The following GALNT18 variants were observed in gnomAD, a reference collection of about 807,000 sequenced individuals.
The protein encoded by GALNT18 is polypeptide N-acetylgalactosaminyltransferase 18.
GALNT18 carries 44 observed loss-of-function variants against 69.5 expected under a neutral mutation model. That is an observed-to-expected ratio of 0.63 (90% CI 0.50 to 0.81). GALNT18 has a LOEUF of 0.81. Ranked by LOEUF, GALNT18 falls within the 40% of genes least tolerant of loss-of-function variation. The pLI is 0.00. For synonymous variants in GALNT18, 364 were observed against 318.2 expected (o/e 1.14, Z -1.53); for missense variants, 715 against 810.0 (o/e 0.88, Z 1.42).
chr11:11,486,085 C>T (rs1856639378), intron 1 of GALNT18, among the ~76,000 whole-genome samples: 1 of 152,114 alleles, frequency 6.6e-6, no homozygotes, highest in Non-Finnish European at 1.5e-5. Context: ...GCGTGGGAAT[C>T]TACAAGAAGG....
In GALNT18 at chr11:11,271,289, C is replaced by T. The variant is rs1035041054; in HGVS notation, c.1679G>A (p.Gly560Glu). The T allele has an allele frequency of 3.1e-6, 5 of 1,613,300 alleles. No individual in the cohort carries two copies. In the African/African-American group the frequency reaches 6.7e-5, roughly 22 times the overall value. ...RMKLHWQFSQ[G>E]GPIQNRKSKR... ...AGACTTGCGGTTCTGGATGGGTCCTCCCTAGGGGCCAGGGCAGACAGTGGG... is the reference window on the plus strand; with the variant it reads ...AGACTTGCGGTTCTGGATGGGTCCTTCCTAGGGGCCAGGGCAGACAGTGGG... The change falls in exon 11 of 11, where the codon GGA becomes GAA. Residue 560 changes from glycine to glutamate, a missense_variant and splice_region_variant. By Grantham distance (98) the Gly-to-Glu change is moderately conservative. Coordinates refer to ENST00000227756, the MANE Select transcript of GALNT18 (RefSeq NM_198516.3).
rs910629331 is a variant in GALNT18 at position 11,315,909 on chromosome 11, G to A, written c.1512+11177C>T. 6.6e-6 allele frequency among the ~76,000 whole-genome samples: 1 copy of A among 151,852 alleles called. No homozygotes were observed. The highest frequency in any genetic ancestry group is 1.5e-5 in the Non-Finnish European group (1 of 68,012). On this transcript the variant is annotated intron_variant, in intron 9 of 10. Coordinates refer to ENST00000227756, the MANE Select transcript of GALNT18 (RefSeq NM_198516.3). The surrounding 1 kb of genome is among the most constrained non-coding windows in gnomAD (Gnocchi z 5.6). ...CGAGAAACTGAACGTGTGACAAACA[G>A]AAGCTGAGGGTGGCTGCCGAGAGTG...
In GALNT18 at chr11:11,582,280, G is replaced by C. The variant is rs1258275413; in HGVS notation, c.235+39079C>G. 6.6e-6 allele frequency among the ~76,000 whole-genome samples: 1 copy of C among 152,208 alleles called. No individual in the cohort carries two copies. The highest frequency in any genetic ancestry group is 1.5e-5 in the Non-Finnish European group (1 of 68,032). On this transcript the variant is annotated intron_variant, in intron 1 of 10. Transcript: ENST00000227756. The surrounding 1 kb of genome is among the most constrained non-coding windows in gnomAD (Gnocchi z 5.0). The stretch of plus-strand genomic sequence containing the variant: ...AGAATGAGAGGCTTCAGAGAGTGGA[G>C]GGAGAAAAGGGCAGGGAGCTGGGCA...
intron 3 of GALNT18, among the ~76,000 whole-genome samples, chr11:11,403,435 C>T (rs1854511171): frequency 6.6e-6 from 1 of 152,234 alleles, no homozygotes; most frequent in Non-Finnish European, 1.5e-5. Context: ...GGGAACTCTG[C>T]TACCAGCCAG....
chr11:11,290,378 G>T (rs1267223202), intron 10 of GALNT18, among the ~76,000 whole-genome samples: 1 of 152,152 alleles, frequency 6.6e-6, no homozygotes, highest in Non-Finnish European at 1.5e-5. Context: ...CCTGCCAGAG[G>T]GGGGCTTTCA....
intron 1 of GALNT18, among the ~76,000 whole-genome samples, chr11:11,450,908 C>A (rs1855779532): frequency 2.0e-5 from 3 of 152,120 alleles, no homozygotes; most frequent in African/African-American, 7.2e-5. Flanking sequence ...GGAAGGCTCT[C>A]CCCAGGCAGT....
rs1366884541 is a variant in GALNT18 at position 11,430,721 on chromosome 11, C to G, written c.595+1900G>C. On this transcript the variant is annotated intron_variant, in intron 3 of 10. Transcript: ENST00000227756. This position sits in a 1 kb window ranked among gnomAD's most constrained non-coding sequence, Gnocchi z 4.9. ...GGCCCGCCTGCCCATGGCTTCTCAG[C>G]CAAATGGTCCAACAGATTTTTCCTT... Among the ~76,000 whole-genome samples, 1 of 152,196 alleles carries G rather than the reference C, an allele frequency of 6.6e-6. No homozygotes were observed. Among genetic ancestry groups the G allele is most frequent in the African/African-American group, 2.4e-5 (1 of 41,438 alleles).
chr11:11,327,224 C>T (rs1223068493), intron 8 of GALNT18, 43 bp from the exon 9 acceptor site: 4 of 1,358,908 alleles, frequency 2.9e-6, no homozygotes, highest in African/African-American at 1.4e-5. Flanking sequence ...GAGAGAGGAA[C>T]AGAGAGAGCA....
chr11:11,473,552 C>T (rs563843108), intron 1 of GALNT18, among the ~76,000 whole-genome samples: 15 of 152,308 alleles, frequency 9.8e-5, no homozygotes, highest in African/African-American at 3.6e-4. Context: ...AGTGTGCAGA[C>T]GGTGCAGAGT....
intron 10 of GALNT18, among the ~76,000 whole-genome samples, chr11:11,280,722 G>A (rs1849054880): frequency 6.6e-6 from 1 of 152,162 alleles, no homozygotes; most frequent in African/African-American, 2.4e-5. Flanking sequence ...ACAGTGCCCA[G>A]GGTCACTGCC....
chr11:11,592,230 C>G lies in GALNT18; in HGVS notation c.235+29129G>C, dbSNP rs1173176002. Among the ~76,000 whole-genome samples, 1 of 152,108 alleles carries G rather than the reference C, an allele frequency of 6.6e-6. No individual in the cohort carries two copies. Among genetic ancestry groups the G allele is most frequent in the Admixed American group, 6.5e-5 (1 of 15,274 alleles). The stretch of plus-strand genomic sequence containing the variant: ...TGGCAGGCGTTTTTCTATTTAATGA[C>G]TCTAAAGAGACAGAAAAGCTTTAAT... On this transcript the variant is annotated intron_variant, in intron 1 of 10. Coordinates refer to ENST00000227756, the MANE Select transcript of GALNT18 (RefSeq NM_198516.3). This position sits in a 1 kb window ranked among gnomAD's most constrained non-coding sequence, Gnocchi z 5.9.
intron 10 of GALNT18, among the ~76,000 whole-genome samples, chr11:11,271,964 C>G (rs922177831): frequency 1.1e-4 from 16 of 152,196 alleles, no homozygotes; most frequent in African/African-American, 3.6e-4. Context: ...CTTTTCAGGG[C>G]TTGGACCCTT....
chr11:11,400,456 C>G (rs1011235339), intron 3 of GALNT18, among the ~76,000 whole-genome samples: 3 of 152,196 alleles, frequency 2.0e-5, no homozygotes, highest in Non-Finnish European at 4.4e-5. Flanking sequence ...TGCGGCAAAC[C>G]AGAGAATGTA....
chr11:11,392,550 C>T (rs1048637337), intron 3 of GALNT18, among the ~76,000 whole-genome samples: 13 of 152,212 alleles, frequency 8.5e-5, no homozygotes, highest in African/African-American at 2.6e-4. Flanking sequence ...ACCCAGGAGG[C>T]GGAGGTCGTG....
chr11:11,513,252 T>G (rs1333032905), intron 1 of GALNT18, among the ~76,000 whole-genome samples: 1 of 152,188 alleles, frequency 6.6e-6, no homozygotes, highest in African/African-American at 2.4e-5. Context: ...ATGGGAATCA[T>G]AAACCTCCCT....
Position 11,511,822 on chromosome 11 carries a change from T to A in GALNT18, c.236-62886A>T, listed in dbSNP as rs1857171586. 6.6e-6 allele frequency among the ~76,000 whole-genome samples: 1 copy of A among 152,136 alleles called. No homozygotes were observed. The stretch of plus-strand genomic sequence containing the variant: ...CAGTAAACAACCCAGAAGAGGGCCC[T>A]CACCAGACCCGGACCACACTGGTAC... On this transcript the variant is annotated intron_variant, in intron 1 of 10. Transcript: ENST00000227756. This position sits in a 1 kb window ranked among gnomAD's most constrained non-coding sequence, Gnocchi z 4.9.
chr11:11,391,643 T>A (rs567286037), intron 3 of GALNT18, among the ~76,000 whole-genome samples: 9 of 152,234 alleles, frequency 5.9e-5, no homozygotes, highest in Non-Finnish European at 1.0e-4. Context: ...ATCTTTATAC[T>A]CTTAGGCCCG....
intron 3 of GALNT18, among the ~76,000 whole-genome samples, chr11:11,425,616 CT>C (rs56151020): frequency 0.054 from 8,087 of 149,708 alleles, 326 homozygotes; most frequent in Admixed American, 0.12. Flanking sequence ...GCAAAGAAAA[CT>C]TTTTTTTTTT....
intron 3 of GALNT18, among the ~76,000 whole-genome samples, chr11:11,397,519 A>C (rs981799213): frequency 3.3e-5 from 5 of 152,192 alleles, no homozygotes; most frequent in African/African-American, 1.2e-4. Flanking sequence ...GCTGGAGTGC[A>C]ATGGCACCAT....
Sources: allele counts gnomAD v4.1 joint callset (sites outside exome capture counted in the v4.1 genomes callset), GRCh38; gene constraint gnomAD v4.1.1; non-coding constraint Gnocchi (gnomAD v3.1); transcripts MANE v1.5; gene names NCBI Gene and HGNC (gene_info 2026-07-23, HGNC 2026-07-21).